Variants in CHSY3 observed in about 807,000 individuals in gnomAD.
CHSY3 encodes the protein chondroitin sulfate synthase 3.
CHSY3 carries 35 observed loss-of-function variants against 67.2 expected under a neutral mutation model. The ratio of observed to expected loss-of-function variants is 0.52; its 90% CI spans 0.40 to 0.69. The LOEUF is 0.69. Ranked by LOEUF, CHSY3 falls within the 30% of genes least tolerant of loss-of-function variation. The pLI is 0.00. For synonymous variants in CHSY3, 474 were observed against 434.7 expected (o/e 1.09, Z -1.12); for missense variants, 1,069 against 1,138.5 (o/e 0.94, Z 0.88).
At chr5:130,162,964 C>G (rs1027660063) in intron 2 of CHSY3, among the ~76,000 whole-genome samples, 1 of 152,148 alleles carries the variant, frequency 6.6e-6, no homozygotes, top group Non-Finnish European at 1.5e-5. Flanking sequence ...TTATTTGTCA[C>G]CAAACAAGCA....
intron 2 of CHSY3, among the ~76,000 whole-genome samples, chr5:130,074,548 T>C (rs1766190616): frequency 6.6e-6 from 1 of 152,228 alleles, no homozygotes; most frequent in Non-Finnish European, 1.5e-5. Context: ...TGATACAATG[T>C]GGAATTTCTA....
At chr5:130,146,809 T>C (rs1769088601) in intron 2 of CHSY3, among the ~76,000 whole-genome samples, 1 of 151,862 alleles carries the variant, frequency 6.6e-6, no homozygotes, top group Non-Finnish European at 1.5e-5. Flanking sequence ...GTTTTGTTTT[T>C]TGAGACAGAG....
chr5:129,949,809 T>C (rs1761972366), intron 2 of CHSY3, among the ~76,000 whole-genome samples: 1 of 152,140 alleles, frequency 6.6e-6, no homozygotes, highest in African/African-American at 2.4e-5. Context: ...TGGTTCAACA[T>C]ACACAAATTA....
intron 2 of CHSY3, among the ~76,000 whole-genome samples, chr5:129,944,040 C>T (rs905445426): frequency 6.6e-6 from 1 of 152,164 alleles, no homozygotes; most frequent in Non-Finnish European, 1.5e-5. Flanking sequence ...TTTAGAGCTT[C>T]CACTTGGAAA....
At chr5:130,111,376 G>C (rs533839387) in intron 2 of CHSY3, among the ~76,000 whole-genome samples, 1 of 152,154 alleles carries the variant, frequency 6.6e-6, no homozygotes, top group East Asian at 1.9e-4. Flanking sequence ...TTATGACCCT[G>C]AATATATATG....
At chr5:129,983,325 A>T (rs1463163871) in intron 2 of CHSY3, among the ~76,000 whole-genome samples, 3 of 152,204 alleles carry the variant, frequency 2.0e-5, no homozygotes, top group African/African-American at 7.2e-5. Context: ...ACACTCACAG[A>T]GACAGTGTGA....
At chr5:130,118,539 G>C (rs752410127) in intron 2 of CHSY3, among the ~76,000 whole-genome samples, 1 of 151,912 alleles carries the variant, frequency 6.6e-6, no homozygotes. Context: ...GTGTGTGTAT[G>C]TGTATGTATT....
At chr5:130,076,043 A>C (rs779430913) in intron 2 of CHSY3, among the ~76,000 whole-genome samples, 1 of 152,090 alleles carries the variant, frequency 6.6e-6, no homozygotes, top group East Asian at 1.9e-4. Context: ...CTTTGAAACT[A>C]TACTTATCTA....
At chr5:130,082,911 G>A (rs1441316991) in intron 2 of CHSY3, among the ~76,000 whole-genome samples, 1 of 151,336 alleles carries the variant, frequency 6.6e-6, no homozygotes, top group Non-Finnish European at 1.5e-5. Flanking sequence ...TATATTTAAA[G>A]GAATTGTGAT....
intron 2 of CHSY3, among the ~76,000 whole-genome samples, chr5:130,093,496 T>C (rs1766946191): frequency 6.6e-6 from 1 of 152,198 alleles, no homozygotes; most frequent in African/African-American, 2.4e-5. Flanking sequence ...ACACAAATAC[T>C]ACTAATAATG....
At chr5:130,005,422 C>T (rs960196815) in intron 2 of CHSY3, among the ~76,000 whole-genome samples, 25 of 97,666 alleles carry the variant, frequency 2.6e-4, no homozygotes, top group South Asian at 6.0e-4. Context: ...AAAAACAAGA[C>T]GAAACAACAA....
intron 2 of CHSY3, among the ~76,000 whole-genome samples, chr5:130,124,529 C>A (rs1768196086): frequency 6.6e-6 from 1 of 151,240 alleles, no homozygotes; most frequent in African/African-American, 2.4e-5. Context: ...GATCTCAGCT[C>A]ACTGCAACCT....
chr5:130,039,702 T>A (rs1363027190), intron 2 of CHSY3, among the ~76,000 whole-genome samples: 1 of 152,042 alleles, frequency 6.6e-6, no homozygotes, highest in African/African-American at 2.4e-5. Flanking sequence ...GGTCTCAAAC[T>A]CCTAGGCTCA....
chr5:130,069,760 A>G (rs1370181206), intron 2 of CHSY3, among the ~76,000 whole-genome samples: 1 of 152,072 alleles, frequency 6.6e-6, no homozygotes, highest in Non-Finnish European at 1.5e-5. Flanking sequence ...TCTAATAGGT[A>G]GAAATCTCTG....
intron 2 of CHSY3, among the ~76,000 whole-genome samples, chr5:130,029,641 C>T (rs1332954291): frequency 6.6e-6 from 1 of 152,100 alleles, no homozygotes; most frequent in Non-Finnish European, 1.5e-5. Context: ...GCACCTTCTG[C>T]TCCTTCCCAA....
At chr5:129,904,170 G>A (rs968745133), upstream of CHSY3, among the ~76,000 whole-genome samples, 4 of 151,968 alleles carry the variant, frequency 2.6e-5, no homozygotes, top group Non-Finnish European at 5.9e-5. Flanking sequence ...ATGGGACGAA[G>A]AGCAAGAGCT....
At chr5:130,129,252 A>C (rs1208176388) in intron 2 of CHSY3, among the ~76,000 whole-genome samples, 1 of 152,192 alleles carries the variant, frequency 6.6e-6, no homozygotes, top group Non-Finnish European at 1.5e-5. Context: ...TCTAATGAGC[A>C]ACATTTGGCC....
chr5:130,173,300 C>T (rs991300777), intron 2 of CHSY3, among the ~76,000 whole-genome samples: 8 of 151,980 alleles, frequency 5.3e-5, no homozygotes, highest in Non-Finnish European at 8.8e-5. Context: ...TTAAATTTAA[C>T]CTTTTGTTTG....
intron 2 of CHSY3, among the ~76,000 whole-genome samples, chr5:130,066,120 G>A (rs1030118377): frequency 1.3e-5 from 2 of 151,994 alleles, no homozygotes; most frequent in Admixed American, 1.3e-4. Context: ...ATTTTCTACT[G>A]TTTGTGACAG....
Sources: gnomAD v4.1 joint callset for allele counts (sites outside exome capture counted in the v4.1 genomes callset) on GRCh38, gnomAD v4.1.1 for gene constraint, MANE v1.5 for transcripts, NCBI Gene and HGNC (gene_info 2026-07-23, HGNC 2026-07-21) for gene names.